Variants in ZNF341 observed in about 807,000 individuals in gnomAD.
The protein encoded by ZNF341 is zinc finger protein 341.
In ZNF341, 52 loss-of-function variants were observed where a neutral mutation model predicts 87.7. The observed-to-expected ratio is 0.59, with a 90% CI of 0.47 to 0.75. ZNF341 has a LOEUF of 0.75. Among genes scored for constraint, ZNF341 ranks in the 30% least tolerant of loss-of-function variants. The pLI, the probability that ZNF341 is intolerant of heterozygous loss-of-function variation, is 0.00. For synonymous variants in ZNF341, 459 were observed against 472.7 expected (o/e 0.97, Z 0.38); for missense variants, 977 against 1,145.9 (o/e 0.85, Z 2.13).
rs533810311 is a variant in ZNF341, at chr20:33,750,972, G to A, written c.489+1900G>A. 7.2e-5 allele frequency among the ~76,000 whole-genome samples: 11 copies of A among 151,802 alleles called. No individual in the cohort carries two copies. The East Asian group carries it at 1.2e-3, about 16-fold the overall frequency. On this transcript the variant is annotated intron_variant, in intron 4 of 14. Transcript: ENST00000375200. ...AATTTTTTTTTAGAGACAGAGTCTC[G>A]CTATGTTACCCAGGCTGGTCTTGAA... is the stretch of plus-strand genomic sequence containing the variant.
chr20:33,746,208 C>T lies in ZNF341; in HGVS notation c.339+909C>T, dbSNP rs1489608119. Among the ~76,000 whole-genome samples, 111 of 129,652 alleles carry T rather than the reference C, an allele frequency of 8.6e-4. 1 individual carries two copies. Among genetic ancestry groups the T allele is most frequent in the Admixed American group, 8.0e-3 (95 of 11,948 alleles). 85.1% of individuals were successfully genotyped at this position (129,652 alleles called of 152,430 possible). ...CCTCCCAAAGTGCTGGGATTACAGG[C>T]GTGAGCCACCGCGCCCGGCCTTTTT... On this transcript the variant is annotated intron_variant, in intron 3 of 14. Transcript: ENST00000375200.
intron 12 of ZNF341, among the ~76,000 whole-genome samples, chr20:33,785,737 C>G (rs2019841238): frequency 6.6e-6 from 1 of 152,200 alleles, no homozygotes; most frequent in Admixed American, 6.5e-5. Flanking sequence ...TGTTAGCGGT[C>G]TAGTCTGCAT....
intron 1 of ZNF341, among the ~76,000 whole-genome samples, chr20:33,736,137 AAAAAGT>A (rs2018680188): frequency 1.6e-5 from 2 of 126,638 alleles, no homozygotes; most frequent in African/African-American, 5.9e-5. Flanking sequence ...CAAAAAAAAA[AAAAAGT>A]AAAAACTGGA....
In ZNF341 at chr20:33,753,263, C is replaced by G; in HGVS notation, c.581C>G (p.Pro194Arg). Residue 194 changes from proline to arginine, a missense_variant, in exon 5 of 15, where the codon CCT becomes CGT. Physicochemically the swap from Pro to Arg is moderately radical, Grantham distance 103. Around this residue, in one of 3 missense-constraint regions of ZNF341, gnomAD observed 515 missense variants for 598.2 expected, o/e 0.86. Coordinates refer to ENST00000375200, the MANE Select transcript of ZNF341 (RefSeq NM_001282933.2). ...CCACCACTGCCCCCACCGCCACCAC[C>G]TCAGCCTCCACCACCTCCACCCCAG... is the stretch of plus-strand genomic sequence containing the variant. ...PPPPLPPPPP[P>R]QPPPPPPQSL... 6.2e-7 allele frequency: 1 copy of G among 1,612,098 alleles called. No homozygotes were observed. Among genetic ancestry groups the G allele is most frequent in the African/African-American group, 1.3e-5 (1 of 75,018 alleles).
chr20:33,741,252 A>G (rs570125536), intron 2 of ZNF341, among the ~76,000 whole-genome samples: 1 of 152,310 alleles, frequency 6.6e-6, no homozygotes, highest in African/African-American at 2.4e-5. Context: ...ATCAAGATGC[A>G]GGGAATGGCT....
intron 10 of ZNF341, among the ~76,000 whole-genome samples, chr20:33,771,561 A>T (rs972402312): frequency 6.6e-6 from 1 of 151,950 alleles, no homozygotes; most frequent in Admixed American, 6.6e-5. Flanking sequence ...GATGATTCTT[A>T]GAATGAACAA....
At chr20:33,733,545 G>A (rs930714044) in intron 1 of ZNF341, among the ~76,000 whole-genome samples, 1 of 151,284 alleles carries the variant, frequency 6.6e-6, no homozygotes, top group Non-Finnish European at 1.5e-5. Flanking sequence ...CCATTTTTTT[G>A]TATTTTTAAT....
At chr20:33,757,018 T>A in intron 5 of ZNF341, 130 bp from the exon 6 acceptor site, 2 of 719,666 alleles carry the variant, frequency 2.8e-6, no homozygotes, top group Non-Finnish European at 4.2e-6. Flanking sequence ...CCGGGCCAGG[T>A]GGAGGGGCTG....
In ZNF341 at chr20:33,791,494, G is replaced by T. The variant is rs143727353; in HGVS notation, c.2542G>T (p.Val848Phe). The change falls in exon 15 of 15, where the codon GTC (valine) becomes TTC (phenylalanine). Residue 848 changes from valine to phenylalanine, a missense_variant. By Grantham distance (50) the Val-to-Phe change is conservative. Around this residue, in one of 3 missense-constraint regions of ZNF341, gnomAD observed 221 missense variants for 212.7 expected, o/e 1.04. Coordinates refer to ENST00000375200, the MANE Select transcript of ZNF341 (RefSeq NM_001282933.2). ...CCCATGTGCCATGCTCGCTGTGCCC[G>T]TCTACATCCAGGCCTCCGAGTGACG... is the stretch of plus-strand genomic sequence containing the variant. ...EGPCAMLAVP[V>F]YIQASE is the part of the protein sequence containing the mutation. 3 of 1,573,678 alleles carry T rather than the reference G, an allele frequency of 1.9e-6. No homozygotes were observed. In the East Asian group the frequency reaches 6.8e-5, roughly 35 times the overall value.
chr20:33,749,487 G>T (rs1277512719), intron 4 of ZNF341, among the ~76,000 whole-genome samples: 1 of 152,014 alleles, frequency 6.6e-6, no homozygotes, highest in African/African-American at 2.4e-5. Context: ...AGTAGAGACA[G>T]GTTTTCTCCA....
At position 33,783,714 on chromosome 20, in the gene ZNF341, G is replaced by T. The variant is rs753894854; in HGVS notation, c.1720-18G>T. 1.2e-6 allele frequency: 2 copies of T among 1,613,626 alleles called. No individual in the cohort carries two copies. The highest frequency in any genetic ancestry group is 1.3e-5 in the African/African-American group (1 of 74,942). On this transcript the variant is annotated intron_variant, in intron 11 of 14. Coordinates refer to ENST00000375200, the MANE Select transcript of ZNF341 (RefSeq NM_001282933.2). ...GGGGCCCGGTGAGTCAGACCTGAAG[G>T]CCCCTCTTCTCTCCCAGGTGTTTCC... is the stretch of plus-strand genomic sequence containing the variant.
At chr20:33,770,929 G>C (rs959853685) in intron 10 of ZNF341, among the ~76,000 whole-genome samples, 11 of 152,060 alleles carry the variant, frequency 7.2e-5, no homozygotes, top group African/African-American at 2.7e-4. Flanking sequence ...GACCATCCTG[G>C]CTAACACGGT....
chr20:33,742,399 G>C (rs1046132564), intron 2 of ZNF341, among the ~76,000 whole-genome samples: 1 of 152,064 alleles, frequency 6.6e-6, no homozygotes, highest in African/African-American at 2.4e-5. Flanking sequence ...GTTTCACCAC[G>C]TTGGTCAGGC....
rs768179431 is a variant in ZNF341 at position 33,749,210 on chromosome 20, G to C, written c.489+138G>C. 112 of 1,256,096 alleles carry C rather than the reference G, an allele frequency of 8.9e-5. 1 individual carries two copies. Among genetic ancestry groups the C allele is most frequent in the Non-Finnish European group, 1.1e-4 (100 of 935,850 alleles). 77.8% of individuals were successfully genotyped at this position (1,256,096 alleles called of 1,614,324 possible). On this transcript the variant is annotated intron_variant, in intron 4 of 14. Transcript: ENST00000375200. ...TGAGGGAGGCTATCAGCTTTCCCTT[G>C]TCCAGCTCTGCTATAGATGGGGAAG...
chr20:33,752,652 CTTTTTTTT>C, intron 4 of ZNF341: 1 of 175,110 alleles, frequency 5.7e-6, no homozygotes, highest in African/African-American at 2.9e-5. Flanking sequence ...ATTTTCTTTT[CTTTTTTTT>C]TTTTTTTTTT....
In ZNF341 at chr20:33,791,381, G is replaced by A. The variant is rs889812659; in HGVS notation, c.2429G>A (p.Gly810Asp). The change falls in exon 15 of 15, where the codon GGC becomes GAC. Residue 810 changes from glycine (G) to aspartate (D), a missense_variant. Coordinates refer to ENST00000375200, the MANE Select transcript of ZNF341 (RefSeq NM_001282933.2). ...TCCATCGTTGTGGGTGGTGCGGTGG[G>A]CGCGGAAACTGAGCTGGTGGTACCT... is the stretch of plus-strand genomic sequence containing the variant. ...VLSIVVGGAV[G>D]AETELVVPGH... 9 of 1,612,724 alleles carry A rather than the reference G, an allele frequency of 5.6e-6. No individual in the cohort carries two copies. Among genetic ancestry groups the A allele is most frequent in the African/African-American group, 1.3e-5 (1 of 75,050 alleles).
At chr20:33,755,220 C>T (rs1205103678) in intron 5 of ZNF341, among the ~76,000 whole-genome samples, 1 of 152,232 alleles carries the variant, frequency 6.6e-6, no homozygotes, top group Non-Finnish European at 1.5e-5. Context: ...GCTGGGATTA[C>T]AGGCATGAGC....
At chr20:33,740,617 G>A (rs1040990956) in intron 1 of ZNF341, among the ~76,000 whole-genome samples, 5 of 152,098 alleles carry the variant, frequency 3.3e-5, no homozygotes. Context: ...CAGTCCTCCC[G>A]CCTCAGCCTC....
At chr20:33,761,350 C>T (rs1380809650) in intron 7 of ZNF341, among the ~76,000 whole-genome samples, 3 of 152,112 alleles carry the variant, frequency 2.0e-5, no homozygotes, top group African/African-American at 4.8e-5. Context: ...CTGCAACCTC[C>T]GCCTCCTGGG....
Sources: allele counts gnomAD v4.1 joint callset (sites outside exome capture counted in the v4.1 genomes callset), GRCh38; gene constraint gnomAD v4.1.1; regional missense constraint gnomAD v4.1.1; transcripts MANE v1.5; gene names NCBI Gene and HGNC (gene_info 2026-07-23, HGNC 2026-07-21).